ADCY5: variants seen among roughly 807,000 people sequenced by gnomAD.
The protein encoded by ADCY5 is adenylate cyclase 5, also known as adenylate cyclase type 5.
In ADCY5, 30 loss-of-function variants were observed where a neutral mutation model predicts 119.7. That is an observed-to-expected ratio of 0.25 (90% CI 0.19 to 0.34). The LOEUF (loss-of-function observed/expected upper bound fraction) is 0.34, where lower values mean the gene tolerates loss of function less well. Among genes scored for constraint, ADCY5 ranks in the 10% least tolerant of loss-of-function variants. The pLI, the probability that ADCY5 is intolerant of heterozygous loss-of-function variation, is 1.00. For missense variants in ADCY5, 1,324 were observed against 1,775.2 expected, an observed-to-expected ratio of 0.75 and a Z score of 4.57; for synonymous variants, 753 against 762.2, an observed-to-expected ratio of 0.99 and a Z score of 0.20.
At chr3:123,379,713 G>C (rs1280343137) in intron 1 of ADCY5, among the ~76,000 whole-genome samples, 1 of 152,124 alleles carries the variant, frequency 6.6e-6, no homozygotes, top group Non-Finnish European at 1.5e-5. Context: ...AGGCCTCACA[G>C]TGCTCAGAGA....
At chr3:123,369,754 C>A (rs1048982264) in intron 1 of ADCY5, among the ~76,000 whole-genome samples, 2 of 152,228 alleles carry the variant, frequency 1.3e-5, no homozygotes, top group African/African-American at 4.8e-5. Context: ...CTCCTCTGCT[C>A]TCTGGGTCCT....
At chr3:123,351,183 G>A (rs913086367) in intron 2 of ADCY5, among the ~76,000 whole-genome samples, 9 of 152,090 alleles carry the variant, frequency 5.9e-5, no homozygotes, top group African/African-American at 2.2e-4. Flanking sequence ...GGAGACAGGT[G>A]GGGACTGGGG....
At chr3:123,328,467 T>G (rs931521668) in intron 6 of ADCY5, among the ~76,000 whole-genome samples, 177 bp downstream of exon 6, 2 of 152,174 alleles carry the variant, frequency 1.3e-5, no homozygotes, top group Non-Finnish European at 2.9e-5. Flanking sequence ...CACAGGTGAT[T>G]TGGCAAGTAG....
At chr3:123,327,825 G>A (rs899602617) in intron 6 of ADCY5, 66 bp from the exon 7 acceptor site, 1 of 1,572,686 alleles carries the variant, frequency 6.4e-7, no homozygotes. Context: ...CAGCCCCCGT[G>A]AAAAACCAAA....
At chr3:123,385,363 G>A (rs1944186869) in intron 1 of ADCY5, among the ~76,000 whole-genome samples, 1 of 152,122 alleles carries the variant, frequency 6.6e-6, no homozygotes, top group South Asian at 2.1e-4. Flanking sequence ...TGTGGGAGCA[G>A]GGCAAGTAGA....
chr3:123,299,377 G>C (rs1368060280), intron 15 of ADCY5, among the ~76,000 whole-genome samples: 3 of 152,152 alleles, frequency 2.0e-5, no homozygotes, highest in Admixed American at 2.0e-4. Flanking sequence ...CCTTAGTTTG[G>C]GTTGACAATA....
At position 123,284,443 on chromosome 3, in the gene ADCY5, G is replaced by T; in HGVS notation, c.*165C>A. 8.8e-7 allele frequency: 1 copy of T among 1,132,914 alleles called. No homozygotes were observed. 70.2% of individuals were successfully genotyped at this position (1,132,914 alleles called of 1,614,324 possible). A position where few individuals can be genotyped will look rare whatever the true frequency, so the allele number is the denominator to read the frequency against. On this transcript the variant is annotated 3_prime_UTR_variant, in exon 21 of 21. Transcript: ENST00000462833. ...CACCCCGGGGCCTGGGACAGAGGCC[G>T]CTGCCCACCAGCAAAGGCAGAAGCT...
In ADCY5 at chr3:123,447,773, G is replaced by A. The variant is rs967588609; in HGVS notation, c.773C>T (p.Ala258Val). 2 of 1,609,416 alleles carry A rather than the reference G, an allele frequency of 1.2e-6. No individual in the cohort carries two copies. The highest frequency in any genetic ancestry group is 1.7e-6 in the Non-Finnish European group (2 of 1,177,608). Residue 258 changes from alanine to valine, a missense_variant, in exon 1 of 21, where the codon GCC (alanine) becomes GTC (valine). Around this residue, in one of 6 missense-constraint regions of ADCY5, gnomAD observed 585 missense variants for 569.9 expected, o/e 1.03. Coordinates refer to ENST00000462833, the MANE Select transcript of ADCY5 (RefSeq NM_183357.3). ...VLVLVCLVMLAFHAARPPLQL... is the reference protein window; with the variant it reads ...VLVLVCLVMLVFHAARPPLQL... ...GAGCGGGGGCCGCGCCGCGTGGAAG[G>A]CCAACATGACCAGGCACACGAGCAC...
intron 1 of ADCY5, among the ~76,000 whole-genome samples, chr3:123,446,518 T>C (rs1945817824): frequency 6.6e-6 from 1 of 152,202 alleles, no homozygotes; most frequent in Non-Finnish European, 1.5e-5. Context: ...AAGGGAGATA[T>C]GGTATGGATG....
At chr3:123,380,831 C>T (rs1180839272) in intron 1 of ADCY5, among the ~76,000 whole-genome samples, 1 of 152,172 alleles carries the variant, frequency 6.6e-6, no homozygotes, top group Admixed American at 6.5e-5. Flanking sequence ...ACAGATGGGC[C>T]TGTAAGGATG....
At position 123,327,775 on chromosome 3, in the gene ADCY5, G is replaced by T; in HGVS notation, c.1806-16C>A. On this transcript the variant is annotated splice_polypyrimidine_tract_variant and intron_variant, in intron 6 of 20. Coordinates refer to ENST00000462833, the MANE Select transcript of ADCY5 (RefSeq NM_183357.3). Reference sequence around the variant, plus strand: ...GTGGATGCGTCTACAGGGGGGCAGGGATCAGGGTGGAGAGGGCAGAAAACT... The same window carrying T: ...GTGGATGCGTCTACAGGGGGGCAGGTATCAGGGTGGAGAGGGCAGAAAACT... 1.2e-6 allele frequency: 2 copies of T among 1,613,666 alleles called. No individual in the cohort carries two copies. The highest frequency in any genetic ancestry group is 1.7e-6 in the Non-Finnish European group (2 of 1,179,764).
Position 123,289,741 on chromosome 3 carries a change from C to T in ADCY5, c.3532+9G>A. 1.2e-6 allele frequency: 2 copies of T among 1,613,020 alleles called. No homozygotes were observed. The highest frequency in any genetic ancestry group is 1.7e-6 in the Non-Finnish European group (2 of 1,179,930). On this transcript the variant is annotated intron_variant, in intron 19 of 20. Coordinates refer to ENST00000462833, the MANE Select transcript of ADCY5 (RefSeq NM_183357.3). ...CCCTGGGCTCAGCACTCCCTGGGCCCCCACTCACCGATCTTCATCTGGAAG... is the reference window on the plus strand; with the variant it reads ...CCCTGGGCTCAGCACTCCCTGGGCCTCCACTCACCGATCTTCATCTGGAAG...
intron 11 of ADCY5, among the ~76,000 whole-genome samples, chr3:123,317,607 C>T (rs1247389918): frequency 6.6e-6 from 1 of 152,006 alleles, no homozygotes; most frequent in Non-Finnish European, 1.5e-5. Flanking sequence ...TGGTGGTAGG[C>T]ACCTGTATTC....
chr3:123,305,634 T>G (rs892337245), intron 12 of ADCY5, among the ~76,000 whole-genome samples: 14 of 145,456 alleles, frequency 9.6e-5, no homozygotes, highest in Middle Eastern at 3.6e-3. Context: ...AGGAGTCTTG[T>G]GTCTTCTGCC....
At chr3:123,369,638 T>C (rs551235027) in intron 1 of ADCY5, among the ~76,000 whole-genome samples, 1 of 152,274 alleles carries the variant, frequency 6.6e-6, no homozygotes, top group South Asian at 2.1e-4. Flanking sequence ...ATAGGAGAAA[T>C]GAGCTAATGT....
At chr3:123,410,144 G>A (rs1053423987) in intron 1 of ADCY5, among the ~76,000 whole-genome samples, 1 of 152,192 alleles carries the variant, frequency 6.6e-6, no homozygotes, top group Non-Finnish European at 1.5e-5. Flanking sequence ...TGCCCTCAGG[G>A]CCTCCACCAG....
At chr3:123,384,423 C>CG (rs1944147251) in intron 1 of ADCY5, among the ~76,000 whole-genome samples, 2 of 152,288 alleles carry the variant, frequency 1.3e-5, no homozygotes, top group South Asian at 4.2e-4. Flanking sequence ...TGCAGCCACC[C>CG]GCAGACAGCA....
intron 1 of ADCY5, among the ~76,000 whole-genome samples, chr3:123,428,005 T>C (rs1043194239): frequency 6.6e-6 from 1 of 152,156 alleles, no homozygotes; most frequent in Non-Finnish European, 1.5e-5. Flanking sequence ...TTGGGAGGCA[T>C]GCTAGGTTCA....
chr3:123,413,016 G>A (rs1156516860), intron 1 of ADCY5, among the ~76,000 whole-genome samples: 1 of 152,166 alleles, frequency 6.6e-6, no homozygotes, highest in Non-Finnish European at 1.5e-5. Flanking sequence ...AAGAAGTCAC[G>A]GAGCCCCCTG....
Sources: gnomAD v4.1 joint callset for allele counts (sites outside exome capture counted in the v4.1 genomes callset) on GRCh38, gnomAD v4.1.1 for gene constraint, gnomAD v4.1.1 regional missense constraint, MANE v1.5 for transcripts, NCBI Gene and HGNC (gene_info 2026-07-23, HGNC 2026-07-21) for gene names.